Variants in STK32B observed in about 807,000 individuals in gnomAD.
The protein encoded by STK32B is serine/threonine-protein kinase 32B.
In STK32B, 43 loss-of-function variants were observed where a neutral mutation model predicts 52.6. That is an observed-to-expected ratio of 0.82 (90% CI 0.64 to 1.05). STK32B has a LOEUF of 1.05. Among genes scored for constraint, STK32B ranks in the 50% least tolerant of loss-of-function variants. The pLI, the probability that STK32B is intolerant of heterozygous loss-of-function variation, is 0.00. For missense variants in STK32B, 621 were observed against 534.6 expected, an observed-to-expected ratio of 1.16 and a Z score of -1.59; for synonymous variants, 238 against 204.3, an observed-to-expected ratio of 1.17 and a Z score of -1.41.
chr4:5,066,221 T>C (rs1055218835), intron 1 of STK32B, among the ~76,000 whole-genome samples: 6 of 152,162 alleles, frequency 3.9e-5, no homozygotes, highest in African/African-American at 1.4e-4. Flanking sequence ...GAAGACAGCA[T>C]GTCTCAGGTT....
chr4:5,266,008 C>T (rs1727033725), intron 3 of STK32B, among the ~76,000 whole-genome samples: 1 of 152,020 alleles, frequency 6.6e-6, no homozygotes, highest in East Asian at 1.9e-4. Flanking sequence ...TATTTTGTTT[C>T]AGTTCTTTAA....
At chr4:5,219,809 A>G (rs1723410258) in intron 3 of STK32B, among the ~76,000 whole-genome samples, 1 of 152,184 alleles carries the variant, frequency 6.6e-6, no homozygotes, top group African/African-American at 2.4e-5. Flanking sequence ...TTGTCAGCAT[A>G]CGTTGGCCCT....
intron 4 of STK32B, among the ~76,000 whole-genome samples, chr4:5,338,160 GTTGTA>G (rs754829883): frequency 2.4e-4 from 36 of 152,208 alleles, no homozygotes; most frequent in Non-Finnish European, 4.0e-4. Flanking sequence ...GATAGGGATT[GTTGTA>G]TTGTAACAAA....
intron 6 of STK32B, among the ~76,000 whole-genome samples, chr4:5,418,489 A>T (rs1375227117): frequency 6.6e-6 from 1 of 152,260 alleles, no homozygotes; most frequent in Non-Finnish European, 1.5e-5. Context: ...ATATTTCTCC[A>T]TACCTTTCTT....
At chr4:5,049,009 T>C (rs1236312486), upstream of STK32B, among the ~76,000 whole-genome samples, 1 of 152,214 alleles carries the variant, frequency 6.6e-6, no homozygotes, top group Non-Finnish European at 1.5e-5. Context: ...ACATGCACGC[T>C]GTCACTGAAC....
In STK32B at chr4:5,073,431, C is replaced by T. The variant is rs543245051; in HGVS notation, c.52+21516C>T. Among the ~76,000 whole-genome samples the T allele has an allele frequency of 8.6e-5, 13 of 151,890 alleles. No individual in the cohort carries two copies. In the East Asian group the frequency reaches 2.5e-3, roughly 29 times the overall value. On this transcript the variant is annotated intron_variant, in intron 1 of 11. Coordinates refer to ENST00000282908, the MANE Select transcript of STK32B (RefSeq NM_018401.3). ...ATAATTCCATTTTCCCATTTGTTTT[C>T]TTATTTTGTAATATATCTTTATTTC...
At chr4:5,019,913 C>T in the STK32B span, among the ~76,000 whole-genome samples, 1 of 152,160 alleles carries the variant, frequency 6.6e-6, no homozygotes, top group Non-Finnish European at 1.5e-5. Context: ...CTGAGCATCC[C>T]TCCCTCCAGG....
At chr4:5,455,207 A>G (rs1716388860) in intron 7 of STK32B, among the ~76,000 whole-genome samples, 1 of 152,220 alleles carries the variant, frequency 6.6e-6, no homozygotes, top group Non-Finnish European at 1.5e-5. Flanking sequence ...CCTACCAAGG[A>G]TCGGGACCCC....
chr4:5,059,861 G>A (rs1742151934), intron 1 of STK32B, among the ~76,000 whole-genome samples: 1 of 152,162 alleles, frequency 6.6e-6, no homozygotes, highest in African/African-American at 2.4e-5. Flanking sequence ...GGAAGGAAGA[G>A]ACATTTTTTA....
intron 3 of STK32B, among the ~76,000 whole-genome samples, chr4:5,231,672 T>A (rs1724280932): frequency 6.6e-6 from 1 of 151,994 alleles, no homozygotes; most frequent in Admixed American, 6.6e-5. Flanking sequence ...AAAGAGTAGT[T>A]CTCAATGGGA....
At chr4:5,099,624 T>C (rs908141816) in intron 1 of STK32B, among the ~76,000 whole-genome samples, 7 of 152,130 alleles carry the variant, frequency 4.6e-5, no homozygotes, top group African/African-American at 1.7e-4. Context: ...GTCTACGAAC[T>C]GGGCCTCGAA....
rs111338295 is a variant in STK32B, at chr4:5,425,243, C to A, written c.562+8309C>A. On this transcript the variant is annotated intron_variant, in intron 6 of 11. Coordinates refer to ENST00000282908, the MANE Select transcript of STK32B (RefSeq NM_018401.3). The stretch of plus-strand genomic sequence containing the variant: ...GAGCCATTCAGGCCCAAGCAAAATG[C>A]AGGTGAAGGTGCCACCAGCCACAGA... Among the ~76,000 whole-genome samples the A allele has an allele frequency of 1.3e-3, 203 of 152,344 alleles. 1 individual carries two copies. Among genetic ancestry groups the A allele is most frequent in the African/African-American group, 4.5e-3 (185 of 41,566 alleles).
At chr4:5,172,796 T>G (rs975614021) in intron 3 of STK32B, among the ~76,000 whole-genome samples, 1 of 152,208 alleles carries the variant, frequency 6.6e-6, no homozygotes, top group African/African-American at 2.4e-5. Flanking sequence ...TCTGCCAGGC[T>G]TTGGTATCAG....
chr4:5,492,390 G>A (rs1353617321), intron 11 of STK32B, among the ~76,000 whole-genome samples: 2 of 152,196 alleles, frequency 1.3e-5, no homozygotes, highest in Non-Finnish European at 2.9e-5. Flanking sequence ...TGGTATTGGT[G>A]TATAAGAATG....
intron 4 of STK32B, among the ~76,000 whole-genome samples, chr4:5,351,625 A>C (rs1423227300): frequency 6.6e-6 from 1 of 152,090 alleles, no homozygotes; most frequent in African/African-American, 2.4e-5. Flanking sequence ...GGCAGAGCTA[A>C]ATAAATGAAA....
At position 5,154,718 on chromosome 4, in the gene STK32B, G is replaced by T. The variant is rs16836724; in HGVS notation, c.109-13581G>T. 9.3e-3 allele frequency among the ~76,000 whole-genome samples: 1,418 copies of T among 152,232 alleles called. 16 individuals are homozygous for T. Among genetic ancestry groups the T allele is most frequent in the African/African-American group, 0.032 (1,350 of 41,544 alleles). On this transcript the variant is annotated intron_variant, in intron 2 of 11. Coordinates refer to ENST00000282908, the MANE Select transcript of STK32B (RefSeq NM_018401.3). Reference sequence around the variant, plus strand: ...GGCATGGCTTCTGGGCTGCTGATCTGCCTTCTCCATGTGACTGAGATTCCC... The same window carrying T: ...GGCATGGCTTCTGGGCTGCTGATCTTCCTTCTCCATGTGACTGAGATTCCC...
intron 4 of STK32B, among the ~76,000 whole-genome samples, chr4:5,379,823 A>C (rs1427737360): frequency 6.6e-6 from 1 of 152,178 alleles, no homozygotes; most frequent in African/African-American, 2.4e-5. Flanking sequence ...GTGAGAAAGA[A>C]AAGTCTGTTG....
chr4:5,107,490 A>G (rs1714170683), intron 1 of STK32B, among the ~76,000 whole-genome samples: 1 of 152,174 alleles, frequency 6.6e-6, no homozygotes, highest in Non-Finnish European at 1.5e-5. Flanking sequence ...TAAGGGATTG[A>G]TCAGGGAGTT....
intron 3 of STK32B, among the ~76,000 whole-genome samples, chr4:5,298,944 C>G (rs1468544602): frequency 1.3e-5 from 2 of 152,080 alleles, no homozygotes; most frequent in African/African-American, 4.8e-5. Context: ...GAGGGAATCT[C>G]CTGGTCTGTG....
Sources: gnomAD v4.1 joint callset for allele counts (sites outside exome capture counted in the v4.1 genomes callset) on GRCh38, gnomAD v4.1.1 for gene constraint, MANE v1.5 for transcripts, NCBI Gene and HGNC (gene_info 2026-07-23, HGNC 2026-07-21) for gene names.